Variants in BCAS4 observed in about 807,000 individuals in gnomAD.
BCAS4 encodes breast carcinoma-amplified sequence 4.
In BCAS4, 9 loss-of-function variants were observed where a neutral mutation model predicts 15.7. The ratio of observed to expected loss-of-function variants is 0.57; its 90% confidence interval spans 0.34 to 1.00. BCAS4 has a LOEUF of 1.00. BCAS4 is among the 50% of genes least tolerant of loss of function. BCAS4 has a pLI of 0.02. For synonymous variants in BCAS4, 101 were observed against 99.5 expected (o/e 1.02, Z -0.09); for missense variants, 225 against 239.1 (o/e 0.94, Z 0.39).
intron 4 of BCAS4, among the ~76,000 whole-genome samples, chr20:50,845,642 C>T (rs536877606): frequency 5.3e-5 from 8 of 152,350 alleles, no homozygotes; most frequent in Admixed American, 2.0e-4. Context: ...AGGCCTCCCC[C>T]GACCCCAGGC....
At chr20:50,799,082 C>T (rs76316190) in intron 1 of BCAS4, among the ~76,000 whole-genome samples, 4,927 of 152,218 alleles carry the variant, frequency 0.032, 99 homozygotes, top group African/African-American at 0.048. Flanking sequence ...AGGTTGTCTG[C>T]GACTTTTCAC....
In BCAS4 at chr20:50,820,265, G is replaced by A. The variant is rs1011958653; in HGVS notation, c.162+1983G>A. Among the ~76,000 whole-genome samples, 9 of 152,310 alleles carry A rather than the reference G, an allele frequency of 5.9e-5. No homozygotes were observed. The South Asian group carries it at 1.9e-3, about 32-fold the overall frequency. On this transcript the variant is annotated intron_variant, in intron 2 of 4. Transcript: ENST00000371608. ...TGTGGGGAGACTGATTTGGGTATCA[G>A]TTGGTGCCGTCCCATGCTACAGTGC...
downstream of BCAS4, chr20:50,878,268 C>T (rs1342190173): frequency 6.6e-6 from 1 of 152,146 alleles, no homozygotes; most frequent in African/African-American, 2.4e-5. Flanking sequence ...CTCCCGAGTT[C>T]AAGCTATTTT....
intron 1 of BCAS4, among the ~76,000 whole-genome samples, chr20:50,812,354 C>G (rs1161649659): frequency 1.3e-5 from 2 of 150,674 alleles, no homozygotes; most frequent in East Asian, 1.9e-4. Flanking sequence ...AGGATGGTCT[C>G]GATCTCCTGA....
chr20:50,854,871 C>A (rs1027526503), intron 4 of BCAS4, among the ~76,000 whole-genome samples: 1 of 152,214 alleles, frequency 6.6e-6, no homozygotes, highest in Non-Finnish European at 1.5e-5. Context: ...TCCTGCCATG[C>A]GCTGATGTCG....
At chr20:50,879,339 A>G (rs1213562694), downstream of BCAS4, 1 of 152,166 alleles carries the variant, frequency 6.6e-6, no homozygotes, top group Admixed American at 6.6e-5. Flanking sequence ...CAACATAGTG[A>G]AACCTCATCT....
Position 50,856,448 on chromosome 20 carries a change from G to A in BCAS4, c.399+14548G>A, listed in dbSNP as rs566018549. On this transcript the variant is annotated intron_variant, in intron 4 of 4. Coordinates refer to ENST00000371608, the MANE Select transcript of BCAS4 (RefSeq NM_198799.4). ...ATAATTAACCTGGGAACCTCAGCCG[G>A]AGAGGGAGATGCTGGTTTTTAAATG... Among the ~76,000 whole-genome samples, 8 of 152,344 alleles carry A rather than the reference G, an allele frequency of 5.3e-5. No homozygotes were observed. In the South Asian group the frequency reaches 1.7e-3, roughly 32 times the overall value.
At position 50,876,548 on chromosome 20, in the gene BCAS4, T is replaced by C; in HGVS notation, c.462T>C (p.Tyr154=). 1 of 1,613,992 alleles carries C rather than the reference T, an allele frequency of 6.2e-7. No homozygotes were observed. Among genetic ancestry groups the C allele is most frequent in the Non-Finnish European group, 8.5e-7 (1 of 1,179,944 alleles). Residue 154 remains tyrosine, a synonymous_variant, in exon 5 of 5, where the codon TAT becomes TAC. Coordinates refer to ENST00000371608, the MANE Select transcript of BCAS4 (RefSeq NM_198799.4). The part of the protein sequence containing the change: ...ELPTLYRTED[Y]FPVDAGEAQH... ...CCACACTGTATAGGACGGAGGACTA[T>C]TTTCCTGTGGACGCCGGGGAAGCAC...
At chr20:50,817,148 G>A (rs143196089) in intron 1 of BCAS4, among the ~76,000 whole-genome samples, 1 of 151,284 alleles carries the variant, frequency 6.6e-6, no homozygotes, top group African/African-American at 2.4e-5. Flanking sequence ...ATGTTGCCCA[G>A]ACTGGTCTCG....
chr20:50,858,924 G>C (rs1440496664), intron 4 of BCAS4, among the ~76,000 whole-genome samples: 1 of 108,280 alleles, frequency 9.2e-6, no homozygotes, highest in Non-Finnish European at 1.7e-5. Context: ...ACAGGCTCTT[G>C]CTATTATTAT....
intron 2 of BCAS4, among the ~76,000 whole-genome samples, chr20:50,818,723 C>T (rs1194706534): frequency 6.6e-6 from 1 of 152,226 alleles, no homozygotes; most frequent in Non-Finnish European, 1.5e-5. Flanking sequence ...GCCCAGGCCA[C>T]AGCCCGTGGT....
At chr20:50,809,088 G>T (rs1042636976) in intron 1 of BCAS4, among the ~76,000 whole-genome samples, 2 of 152,132 alleles carry the variant, frequency 1.3e-5, no homozygotes, top group Non-Finnish European at 2.9e-5. Flanking sequence ...GTTGAATAGG[G>T]TGTCCTTTCT....
intron 1 of BCAS4, among the ~76,000 whole-genome samples, chr20:50,815,909 A>T (rs947912607): frequency 1.6e-4 from 24 of 152,202 alleles, no homozygotes; most frequent in African/African-American, 5.3e-4. Flanking sequence ...GGGAAAGCAG[A>T]TCATGTGCTT....
At chr20:50,808,074 A>T (rs1856591527) in intron 1 of BCAS4, among the ~76,000 whole-genome samples, 1 of 146,898 alleles carries the variant, frequency 6.8e-6, no homozygotes, top group Admixed American at 6.8e-5. Context: ...TGCCCGGCTA[A>T]TTTTTTTTTT....
At chr20:50,856,121 C>T (rs368001804) in intron 4 of BCAS4, among the ~76,000 whole-genome samples, 5 of 152,288 alleles carry the variant, frequency 3.3e-5, no homozygotes, top group Non-Finnish European at 2.9e-5. Context: ...CAGGTGTGAT[C>T]GGTGTCAGAA....
chr20:50,857,282 C>T (rs1978813660), intron 4 of BCAS4, among the ~76,000 whole-genome samples: 1 of 152,166 alleles, frequency 6.6e-6, no homozygotes, highest in Non-Finnish European at 1.5e-5. Flanking sequence ...CAGGCATGCG[C>T]CACCACACCT....
intron 3 of BCAS4, among the ~76,000 whole-genome samples, chr20:50,836,549 A>G (rs1482954537): frequency 6.6e-6 from 1 of 152,066 alleles, no homozygotes; most frequent in East Asian, 1.9e-4. Context: ...TCCAGGATGG[A>G]CAGTCACTGT....
chr20:50,863,144 G>C (rs1979174931), intron 4 of BCAS4, among the ~76,000 whole-genome samples: 1 of 150,210 alleles, frequency 6.7e-6, no homozygotes, highest in Admixed American at 6.6e-5. Flanking sequence ...CTTGTTTTTT[G>C]AATGGATAAC....
rs568131630 is a variant in BCAS4, at chr20:50,813,786, A to C, written c.91-4425A>C. Among the ~76,000 whole-genome samples the C allele has an allele frequency of 3.5e-5, 5 of 143,468 alleles. No individual in the cohort carries two copies. In the South Asian group the frequency reaches 1.1e-3, roughly 31 times the overall value. 94.1% of individuals were successfully genotyped at this position (143,468 alleles called of 152,430 possible). On this transcript the variant is annotated intron_variant, in intron 1 of 4. Transcript: ENST00000371608. ...AAGCTTGCACTGCCACTTTGTGAGA[A>C]GCGGGGATGTGGGAAAAAAAAGTGA...
Sources: gnomAD v4.1 joint callset for allele counts (sites outside exome capture counted in the v4.1 genomes callset) on GRCh38, gnomAD v4.1.1 for gene constraint, MANE v1.5 for transcripts, NCBI Gene and HGNC (gene_info 2026-07-23, HGNC 2026-07-21) for gene names.